The following CAMK2D variants were observed in gnomAD, a reference collection of about 807,000 sequenced individuals.
The protein encoded by CAMK2D is calcium/calmodulin dependent protein kinase II delta, also known as calcium/calmodulin-dependent protein kinase type II subunit delta.
In CAMK2D, 37 loss-of-function variants were observed where a neutral mutation model predicts 84.0. The observed-to-expected ratio is 0.44, with a 90% CI of 0.34 to 0.58. The LOEUF (loss-of-function observed/expected upper bound fraction) is 0.58, where lower values mean the gene tolerates loss of function less well. Ranked by LOEUF, CAMK2D falls within the 20% of genes least tolerant of loss-of-function variation. The pLI is 0.02. For missense variants in CAMK2D, 448 were observed against 652.5 expected (o/e 0.69, Z 3.41); for synonymous variants, 202 against 212.5 (o/e 0.95, Z 0.43).
chr4:113,748,491 T>TA (rs1046851494), intron 2 of CAMK2D, among the ~76,000 whole-genome samples: 3 of 151,790 alleles, frequency 2.0e-5, no homozygotes, highest in African/African-American at 4.8e-5. Context: ...ATCAGAACTA[T>TA]AAAAAAAGTT....
At chr4:113,569,625 T>C (rs1169090950) in intron 4 of CAMK2D, among the ~76,000 whole-genome samples, 1 of 152,214 alleles carries the variant, frequency 6.6e-6, no homozygotes, top group Non-Finnish European at 1.5e-5. Context: ...AATTAACTTC[T>C]AAATATCTCA....
rs372493226 is a variant in CAMK2D at position 113,532,080 on chromosome 4, C to T, written c.518-781G>A. Among the ~76,000 whole-genome samples the T allele has an allele frequency of 1.9e-4, 29 of 152,244 alleles. No individual in the cohort carries two copies. In the East Asian group the frequency reaches 2.5e-3, roughly 13 times the overall value. ...ATATATAATGGAATTTCTCCAACCA[C>T]AGATCACTGATGAAACACACTGTAT... is the stretch of plus-strand genomic sequence containing the variant. On this transcript the variant is annotated intron_variant, in intron 7 of 20. Transcript: ENST00000511664.
At chr4:113,514,454 A>G (rs982521508) in intron 10 of CAMK2D, among the ~76,000 whole-genome samples, 1 of 152,086 alleles carries the variant, frequency 6.6e-6, no homozygotes, top group Non-Finnish European at 1.5e-5. Flanking sequence ...AGAAATGAAT[A>G]TTAATAATTT....
intron 4 of CAMK2D, among the ~76,000 whole-genome samples, chr4:113,607,101 T>C (rs2098980922): frequency 6.6e-6 from 1 of 151,864 alleles, no homozygotes; most frequent in Non-Finnish European, 1.5e-5. Flanking sequence ...AATTTGTTGC[T>C]AGCATACCTA....
At chr4:113,623,151 T>A (rs2099053471) in intron 3 of CAMK2D, among the ~76,000 whole-genome samples, 1 of 152,200 alleles carries the variant, frequency 6.6e-6, no homozygotes, top group African/African-American at 2.4e-5. Context: ...TGTAAAGCAA[T>A]AACCAGTTTA....
intron 4 of CAMK2D, among the ~76,000 whole-genome samples, chr4:113,569,799 T>C (rs1263683811): frequency 6.6e-6 from 1 of 152,172 alleles, no homozygotes; most frequent in African/African-American, 2.4e-5. Flanking sequence ...AATCCATTTG[T>C]AGCAAATATA....
intron 8 of CAMK2D, among the ~76,000 whole-genome samples, chr4:113,526,747 A>AG (rs2098421054): frequency 1.3e-5 from 2 of 152,026 alleles, no homozygotes; most frequent in African/African-American, 4.8e-5. Context: ...AATTGAACAT[A>AG]GTGTGTTTTG....
At chr4:113,504,942 A>AACTT in intron 14 of CAMK2D, 34 bp downstream of exon 14, 1 of 1,289,956 alleles carries the variant, frequency 7.8e-7, no homozygotes, top group Admixed American at 3.0e-5. Context: ...AAATGTAAAG[A>AACTT]ACTTAAGAAG....
At chr4:113,718,446 C>T (rs1172991146) in intron 2 of CAMK2D, among the ~76,000 whole-genome samples, 1 of 152,110 alleles carries the variant, frequency 6.6e-6, no homozygotes, top group Non-Finnish European at 1.5e-5. Flanking sequence ...CCAGATGATC[C>T]ATCAGTGCAG....
chr4:113,584,442 AG>A (rs928181653), intron 4 of CAMK2D, among the ~76,000 whole-genome samples: 1 of 152,324 alleles, frequency 6.6e-6, no homozygotes, highest in African/African-American at 2.4e-5. Context: ...CAGGACAGCC[AG>A]GCCTTCTTGG....
intron 2 of CAMK2D, among the ~76,000 whole-genome samples, chr4:113,675,030 T>C (rs911809117): frequency 2.0e-5 from 3 of 152,204 alleles, no homozygotes; most frequent in African/African-American, 7.2e-5. Context: ...CTAACATCCA[T>C]GCGTGCATAT....
At chr4:113,739,819 G>T (rs1054719045) in intron 2 of CAMK2D, among the ~76,000 whole-genome samples, 2 of 151,768 alleles carry the variant, frequency 1.3e-5, no homozygotes, top group African/African-American at 4.8e-5. Flanking sequence ...TTTAGATTCA[G>T]GGGGTACATG....
intron 2 of CAMK2D, among the ~76,000 whole-genome samples, chr4:113,725,464 T>C (rs1037476188): frequency 1.3e-5 from 2 of 152,154 alleles, no homozygotes; most frequent in African/African-American, 4.8e-5. Context: ...CACTCTGTTC[T>C]ATGTCAAATT....
intron 2 of CAMK2D, among the ~76,000 whole-genome samples, chr4:113,729,039 T>C (rs2148738841): frequency 6.6e-6 from 1 of 151,744 alleles, no homozygotes; most frequent in East Asian, 1.9e-4. Flanking sequence ...AAAGTGATAT[T>C]TGTAAAATTG....
At chr4:113,571,847 G>C (rs1420359888) in intron 4 of CAMK2D, among the ~76,000 whole-genome samples, 1 of 152,170 alleles carries the variant, frequency 6.6e-6, no homozygotes, top group Non-Finnish European at 1.5e-5. Flanking sequence ...CTTTCAATGT[G>C]AGACACGAGT....
At chr4:113,565,767 G>T (rs2098720890) in intron 4 of CAMK2D, among the ~76,000 whole-genome samples, 2 of 151,896 alleles carry the variant, frequency 1.3e-5, no homozygotes, top group Admixed American at 1.3e-4. Context: ...ACCTTAATTT[G>T]AGGTTTAAAT....
intron 16 of CAMK2D, among the ~76,000 whole-genome samples, chr4:113,483,636 C>T (rs1283834969): frequency 3.3e-5 from 5 of 151,954 alleles, no homozygotes; most frequent in Middle Eastern, 3.2e-3. Flanking sequence ...AAACTCCGGA[C>T]CCCAGGTGAT....
chr4:113,507,923 T>C (rs1034173140), intron 13 of CAMK2D, among the ~76,000 whole-genome samples: 2 of 151,564 alleles, frequency 1.3e-5, no homozygotes, highest in African/African-American at 4.9e-5. Flanking sequence ...AAACATATAG[T>C]TTTTTGTTTG....
intron 2 of CAMK2D, among the ~76,000 whole-genome samples, chr4:113,677,861 G>A (rs575652671): frequency 2.0e-5 from 3 of 151,956 alleles, no homozygotes; most frequent in African/African-American, 7.2e-5. Context: ...TAAATCTAAA[G>A]GGGATATCAT....
Sources: allele counts gnomAD v4.1 joint callset (sites outside exome capture counted in the v4.1 genomes callset), GRCh38; gene constraint gnomAD v4.1.1; transcripts MANE v1.5; gene names NCBI Gene and HGNC (gene_info 2026-07-23, HGNC 2026-07-21).